The following LRP5 variants were observed in gnomAD, a reference collection of about 807,000 sequenced individuals.
LRP5 encodes the protein LDL receptor related protein 5.
In LRP5, 62 loss-of-function variants were observed where a neutral mutation model predicts 154.1. That is an observed-to-expected ratio of 0.40 (90% confidence interval 0.33 to 0.50). The LOEUF is 0.50. Among genes scored for constraint, LRP5 ranks in the 20% least tolerant of loss-of-function variants. The pLI, the probability that LRP5 is intolerant of heterozygous loss-of-function variation, is 0.55. For missense variants in LRP5, 1,915 were observed against 2,336.7 expected (o/e 0.82, Z 3.72); for synonymous variants, 966 against 1,011.5 (o/e 0.96, Z 0.85).
rs2153178715 is a variant in LRP5, at chr11:68,433,786, C to T, written c.3948C>T (p.Arg1316=). 6.2e-7 allele frequency: 1 copy of T among 1,612,618 alleles called. No individual in the cohort carries two copies. Among genetic ancestry groups the T allele is most frequent in the Non-Finnish European group, 8.5e-7 (1 of 1,179,738 alleles). ...GTCAGTGTGTGGACCTGCGCCTGCG[C>T]TGCGACGGCGAGGCAGACTGTCAGG... ...ARGQCVDLRL[R]CDGEADCQDR... Residue 1316 remains arginine (R), a synonymous_variant, in exon 18 of 23, where the codon CGC becomes CGT. Coordinates refer to ENST00000294304, the MANE Select transcript of LRP5 (RefSeq NM_002335.4).
At chr11:68,344,652 G>A (rs952736804) in intron 1 of LRP5, among the ~76,000 whole-genome samples, 2 of 151,686 alleles carry the variant, frequency 1.3e-5, no homozygotes, top group African/African-American at 2.4e-5. Context: ...GAAACTTGCC[G>A]CCTTAAGCAG....
At chr11:68,338,073 T>C (rs555312281) in intron 1 of LRP5, among the ~76,000 whole-genome samples, 4 of 152,290 alleles carry the variant, frequency 2.6e-5, no homozygotes, top group South Asian at 2.1e-4. Context: ...TGCAGGCTCC[T>C]TGACTCTGGA....
chr11:68,413,442 C>T lies in LRP5; in HGVS notation c.2504-247C>T, dbSNP rs577684473. On this transcript the variant is annotated intron_variant, in intron 11 of 22. Coordinates refer to ENST00000294304, the MANE Select transcript of LRP5 (RefSeq NM_002335.4). This position sits in a 1 kb window ranked among gnomAD's most constrained non-coding sequence, Gnocchi z 5.1. ...ATGAGAACAAGAACCTGGAGTCTCG[C>T]TGCCTGGGTGGTAATCCTGGCCCTG... Among the ~76,000 whole-genome samples the T allele has an allele frequency of 1.3e-5, 2 of 152,350 alleles. No homozygotes were observed. The highest frequency in any genetic ancestry group is 4.8e-5 in the African/African-American group (2 of 41,580).
chr11:68,433,053 C>T (rs1262501432), intron 17 of LRP5, among the ~76,000 whole-genome samples: 2 of 152,206 alleles, frequency 1.3e-5, no homozygotes, highest in Non-Finnish European at 2.9e-5. Context: ...AGGTCCTCTG[C>T]CGGCTCCTGC....
At position 68,312,613 on chromosome 11, in the gene LRP5, G is replaced by GA. The variant is rs1410307744; in HGVS notation, c.-101dup. On this transcript the variant is annotated 5_prime_UTR_variant, in exon 1 of 23. Coordinates refer to ENST00000294304, the MANE Select transcript of LRP5 (RefSeq NM_002335.4). The stretch of plus-strand genomic sequence containing the variant: ...CCCGTCGTCCTGGTCCGCGGCGCCC[G>GA]AGGGGGGAGGCGGAGGCGCCGGGAG... 28 of 399,150 alleles carry GA rather than the reference G, an allele frequency of 7.0e-5. No homozygotes were observed. The highest frequency in any genetic ancestry group is 1.2e-3 in the Middle Eastern group (1 of 804). 24.7% of individuals were successfully genotyped at this position (399,150 alleles called of 1,614,324 possible).
chr11:68,304,450 C>A, the LRP5 span, among the ~76,000 whole-genome samples: 1 of 152,268 alleles, frequency 6.6e-6, no homozygotes, highest in South Asian at 2.1e-4. Context: ...AGGGGCAGAG[C>A]CTTCCCATTG....
At chr11:68,350,677 T>A (rs1283756820) in intron 2 of LRP5, among the ~76,000 whole-genome samples, 1 of 152,162 alleles carries the variant, frequency 6.6e-6, no homozygotes, top group Admixed American at 6.5e-5. Context: ...GGGGTGAGGG[T>A]CTGTCCTCAC....
At chr11:68,323,588 A>G (rs1158417397) in intron 1 of LRP5, among the ~76,000 whole-genome samples, 1 of 151,710 alleles carries the variant, frequency 6.6e-6, no homozygotes, top group Non-Finnish European at 1.5e-5. Flanking sequence ...TAATTTTTTA[A>G]AACACTTTTT....
chr11:68,338,686 C>G (rs1033588400), intron 1 of LRP5, among the ~76,000 whole-genome samples: 1 of 152,008 alleles, frequency 6.6e-6, no homozygotes, highest in Non-Finnish European at 1.5e-5. Flanking sequence ...GCCTGAATCC[C>G]GGATTGAAGA....
At chr11:68,360,535 G>GTGTTGGGTGACGAGCTC (rs1479648756) in intron 3 of LRP5, among the ~76,000 whole-genome samples, 1 of 152,250 alleles carries the variant, frequency 6.6e-6, no homozygotes, top group Non-Finnish European at 1.5e-5. Flanking sequence ...GAAGCGTCGT[G>GTGTTGGGTGACGAGCTC]TGTTGGGTGA....
intron 6 of LRP5, among the ~76,000 whole-genome samples, chr11:68,387,635 A>T (rs2153153797): frequency 6.6e-6 from 1 of 152,254 alleles, no homozygotes; most frequent in Admixed American, 6.5e-5. Context: ...TCGGTAGGGG[A>T]GACTTTCTGA....
intron 7 of LRP5, among the ~76,000 whole-genome samples, chr11:68,398,181 T>G (rs57928864): frequency 0.063 from 9,632 of 152,222 alleles, 364 homozygotes; most frequent in Middle Eastern, 0.16. Flanking sequence ...GGCTCATGTC[T>G]GTTTGCACAG....
At chr11:68,380,760 G>A (rs1280037844) in intron 5 of LRP5, among the ~76,000 whole-genome samples, 5 of 152,224 alleles carry the variant, frequency 3.3e-5, no homozygotes, top group African/African-American at 1.2e-4. Context: ...TCCACGCTCA[G>A]ATCAGCCCCG....
At chr11:68,392,090 C>T (rs2098646662) in intron 7 of LRP5, among the ~76,000 whole-genome samples, 1 of 152,196 alleles carries the variant, frequency 6.6e-6, no homozygotes, top group Non-Finnish European at 1.5e-5. Context: ...CACAAGCGAT[C>T]CACCTGCCTC....
At chr11:68,320,074 T>C (rs1159786667) in intron 1 of LRP5, among the ~76,000 whole-genome samples, 1 of 152,050 alleles carries the variant, frequency 6.6e-6, no homozygotes, top group Non-Finnish European at 1.5e-5. Context: ...GGTGGGAAAA[T>C]CTATTGAGCT....
chr11:68,416,029 T>C (rs2098662338), intron 12 of LRP5, among the ~76,000 whole-genome samples: 1 of 151,708 alleles, frequency 6.6e-6, no homozygotes, highest in Admixed American at 6.6e-5. Flanking sequence ...CAGTCCAGCG[T>C]GGGCAACAGT....
chr11:68,438,447 A>G lies in LRP5; in HGVS notation c.4113A>G (p.Glu1371=), dbSNP rs1438230499. The G allele has an allele frequency of 1.2e-6, 2 of 1,613,978 alleles. No individual in the cohort carries two copies. The highest frequency in any genetic ancestry group is 1.7e-6 in the Non-Finnish European group (2 of 1,179,930). The change falls in exon 20 of 23, where the codon GAA becomes GAG. Residue 1371 remains glutamate, a splice_region_variant and synonymous_variant. Coordinates refer to ENST00000294304, the MANE Select transcript of LRP5 (RefSeq NM_002335.4). ...CIDGSDELMC[E]ITKPPSDDSP... The stretch of plus-strand genomic sequence containing the variant: ...CCTCTTTCTGTTTGTCTCTGGCAGA[A>G]ATCACCAAGCCGCCCTCAGACGACA...
chr11:68,340,302 C>G (rs771983847), intron 1 of LRP5, among the ~76,000 whole-genome samples: 1 of 152,134 alleles, frequency 6.6e-6, no homozygotes, highest in South Asian at 2.1e-4. Context: ...AATGAGGAAA[C>G]TGAGGCTCTG....
intron 1 of LRP5, among the ~76,000 whole-genome samples, chr11:68,344,463 C>A (rs1042768436): frequency 8.9e-6 from 1 of 112,256 alleles, no homozygotes; most frequent in African/African-American, 3.5e-5. Context: ...GGGTTACAGG[C>A]GTGAGCCACC....
Sources: gnomAD v4.1 joint callset for allele counts (sites outside exome capture counted in the v4.1 genomes callset) on GRCh38, gnomAD v4.1.1 for gene constraint, Gnocchi (gnomAD v3.1) non-coding constraint, MANE v1.5 for transcripts, NCBI Gene and HGNC (gene_info 2026-07-23, HGNC 2026-07-21) for gene names.